GPC6: variants seen among roughly 807,000 people sequenced by gnomAD.
The protein encoded by GPC6 is glypican-6.
In GPC6, 14 loss-of-function variants were observed where a neutral mutation model predicts 55.2. That is an observed-to-expected ratio of 0.25 (90% CI 0.17 to 0.40). The LOEUF is 0.40. Ranked by LOEUF, GPC6 falls within the 10% of genes least tolerant of loss-of-function variation. GPC6 has a pLI of 1.00. For synonymous variants in GPC6, 278 were observed against 259.6 expected, an observed-to-expected ratio of 1.07 and a Z score of -0.68; for missense variants, 641 against 708.5, an observed-to-expected ratio of 0.90 and a Z score of 1.08.
intron 6 of GPC6, among the ~76,000 whole-genome samples, chr13:94,371,404 C>T (rs999157161): frequency 2.0e-5 from 3 of 152,104 alleles, no homozygotes; most frequent in African/African-American, 7.2e-5. Context: ...CCATAGTAAG[C>T]CTAGTGGTTA....
chr13:93,766,248 T>C (rs1371049034), intron 2 of GPC6, among the ~76,000 whole-genome samples: 1 of 152,154 alleles, frequency 6.6e-6, no homozygotes, highest in Non-Finnish European at 1.5e-5. Context: ...TTGAAGGAGA[T>C]CTGCAGATGT....
intron 3 of GPC6, among the ~76,000 whole-genome samples, chr13:93,902,058 G>A (rs552596511): frequency 5.7e-4 from 86 of 152,034 alleles, no homozygotes; most frequent in African/African-American, 2.0e-3. Flanking sequence ...TAATTTCCTT[G>A]TGATGAGAAC....
chr13:93,631,051 G>A (rs1879407427), intron 2 of GPC6, among the ~76,000 whole-genome samples: 1 of 152,218 alleles, frequency 6.6e-6, no homozygotes, highest in Non-Finnish European at 1.5e-5. Flanking sequence ...AGAGGTGGCT[G>A]TGTTGTAGGA....
intron 1 of GPC6, among the ~76,000 whole-genome samples, chr13:93,487,828 T>C (rs1378308939): frequency 6.6e-6 from 1 of 152,250 alleles, no homozygotes; most frequent in Non-Finnish European, 1.5e-5. Context: ...TAAAATTGTT[T>C]TGAATCTGTT....
intron 7 of GPC6, among the ~76,000 whole-genome samples, chr13:94,394,789 C>T (rs145890563): frequency 5.5e-4 from 84 of 152,294 alleles, no homozygotes; most frequent in African/African-American, 7.2e-4. Flanking sequence ...CTTGAGGATA[C>T]GGATGCGCTG....
intron 6 of GPC6, among the ~76,000 whole-genome samples, chr13:94,371,319 A>G (rs1011619153): frequency 2.0e-5 from 3 of 151,966 alleles, no homozygotes; most frequent in African/African-American, 7.3e-5. Flanking sequence ...TCTCTTGCAC[A>G]CCCCCAGAGA....
At chr13:93,584,684 G>GTTTTTTTTTT (rs779571682) in intron 2 of GPC6, among the ~76,000 whole-genome samples, 3 of 95,572 alleles carry the variant, frequency 3.1e-5, no homozygotes, top group Non-Finnish European at 3.9e-5. Context: ...CCTTCTGAAA[G>GTTTTTTTTTT]TTTTTTTTTT....
intron 2 of GPC6, among the ~76,000 whole-genome samples, chr13:93,583,605 TGGAG>T (rs1344999681): frequency 6.6e-6 from 1 of 152,130 alleles, no homozygotes; most frequent in Non-Finnish European, 1.5e-5. Flanking sequence ...TTAGTAGAGA[TGGAG>T]TTCCACCATG....
chr13:93,822,907 A>G (rs1887106942), intron 2 of GPC6, among the ~76,000 whole-genome samples: 1 of 151,084 alleles, frequency 6.6e-6, no homozygotes, highest in Non-Finnish European at 1.5e-5. Flanking sequence ...TCTGTCACCC[A>G]GGCTGGAGTG....
chr13:94,153,204 C>T (rs888321679), intron 4 of GPC6, among the ~76,000 whole-genome samples: 3 of 152,076 alleles, frequency 2.0e-5, no homozygotes, highest in Admixed American at 6.6e-5. Flanking sequence ...CCCACTTCTT[C>T]CATTAATACC....
intron 1 of GPC6, among the ~76,000 whole-genome samples, chr13:93,239,875 T>C (rs771216389): frequency 7.2e-5 from 11 of 152,106 alleles, no homozygotes; most frequent in Non-Finnish European, 1.5e-4. Flanking sequence ...TTAATGTTGA[T>C]TTTGTCATTG....
At chr13:93,948,773 G>C (rs548368937) in intron 3 of GPC6, among the ~76,000 whole-genome samples, 5 of 152,314 alleles carry the variant, frequency 3.3e-5, no homozygotes, top group Admixed American at 6.5e-5. Flanking sequence ...TGATGATGGA[G>C]ATGTTTTTGT....
intron 4 of GPC6, among the ~76,000 whole-genome samples, chr13:94,223,838 T>C (rs1890461415): frequency 6.6e-6 from 1 of 152,128 alleles, no homozygotes; most frequent in South Asian, 2.1e-4. Flanking sequence ...CTCACTAAAA[T>C]GTATATGTAA....
At chr13:93,574,382 T>C (rs554222023) in intron 2 of GPC6, among the ~76,000 whole-genome samples, 111 of 152,064 alleles carry the variant, frequency 7.3e-4, no homozygotes, top group Non-Finnish European at 1.1e-3. Flanking sequence ...CAAGCCAAGA[T>C]TGAGAAGGAT....
At chr13:93,769,385 G>T (rs749461660) in intron 2 of GPC6, among the ~76,000 whole-genome samples, 1 of 149,236 alleles carries the variant, frequency 6.7e-6, no homozygotes, top group Non-Finnish European at 1.5e-5. Flanking sequence ...CTGGTAAAAT[G>T]ATCCAAGTTT....
chr13:93,728,633 T>A (rs1274211534), intron 2 of GPC6, among the ~76,000 whole-genome samples: 1 of 151,510 alleles, frequency 6.6e-6, no homozygotes, highest in Non-Finnish European at 1.5e-5. Context: ...GTGGTACAAT[T>A]TCAGCTCACT....
intron 2 of GPC6, among the ~76,000 whole-genome samples, chr13:93,725,003 G>T (rs1883584522): frequency 6.6e-6 from 1 of 151,984 alleles, no homozygotes; most frequent in African/African-American, 2.4e-5. Flanking sequence ...AGTGCCTTCT[G>T]TGCACTCAAA....
chr13:93,820,073 C>T (rs116566021), intron 2 of GPC6, among the ~76,000 whole-genome samples: 24 of 152,266 alleles, frequency 1.6e-4, no homozygotes, highest in African/African-American at 5.5e-4. Context: ...CATTTAGTCT[C>T]TTCAGCTGAC....
intron 1 of GPC6, among the ~76,000 whole-genome samples, chr13:93,437,507 A>G (rs976146422): frequency 2.0e-5 from 3 of 152,240 alleles, no homozygotes; most frequent in Non-Finnish European, 2.9e-5. Context: ...GCTGATATGT[A>G]GAAGGTTTCA....
Sources: allele counts gnomAD v4.1 joint callset (sites outside exome capture counted in the v4.1 genomes callset), GRCh38; gene constraint gnomAD v4.1.1; transcripts MANE v1.5; gene names NCBI Gene and HGNC (gene_info 2026-07-23, HGNC 2026-07-21).